Variants in KCTD16 observed in about 807,000 individuals in gnomAD.
KCTD16 encodes the protein BTB/POZ domain-containing protein KCTD16.
In KCTD16, 13 loss-of-function variants were observed where a neutral mutation model predicts 33.2. The ratio of observed to expected loss-of-function variants is 0.39; its 90% CI spans 0.25 to 0.62. The LOEUF is 0.62. Ranked by LOEUF, KCTD16 falls within the 20% of genes least tolerant of loss-of-function variation. KCTD16 has a pLI of 0.50. For synonymous variants in KCTD16, 197 were observed against 195.3 expected (o/e 1.01, Z -0.07); for missense variants, 441 against 525.1 (o/e 0.84, Z 1.57).
In KCTD16 at chr5:144,244,400, G is replaced by C. The variant is rs1384060214; in HGVS notation, c.832+36854G>C. ...ACAAAGTGCTAAATTGCATTGTATA[G>C]ATAAATAGAGATAGGAAAGTCTATT... On this transcript the variant is annotated intron_variant, in intron 3 of 3. Coordinates refer to ENST00000512467, the MANE Select transcript of KCTD16 (RefSeq NM_020768.4). Among the ~76,000 whole-genome samples the C allele has an allele frequency of 5.9e-5, 9 of 152,296 alleles. No individual in the cohort carries two copies. The South Asian group carries it at 1.2e-3, about 21-fold the overall frequency.
At chr5:144,193,418 T>G (rs1255406777) in intron 2 of KCTD16, among the ~76,000 whole-genome samples, 1 of 152,078 alleles carries the variant, frequency 6.6e-6, no homozygotes, top group Non-Finnish European at 1.5e-5. Context: ...GCTGTTTCCA[T>G]TCCACCTGCC....
chr5:144,415,871 A>T (rs1259226897), intron 3 of KCTD16, among the ~76,000 whole-genome samples: 4 of 152,196 alleles, frequency 2.6e-5, no homozygotes, highest in Admixed American at 2.0e-4. Flanking sequence ...TTAAATAAGC[A>T]TCTTAGTTAT....
intron 3 of KCTD16, among the ~76,000 whole-genome samples, chr5:144,371,615 G>T (rs1751968598): frequency 6.6e-6 from 1 of 152,116 alleles, no homozygotes; most frequent in Non-Finnish European, 1.5e-5. Context: ...AAGTAGAAAT[G>T]ATTAATGAAT....
intron 3 of KCTD16, among the ~76,000 whole-genome samples, chr5:144,411,417 A>G (rs916385414): frequency 6.6e-6 from 1 of 152,232 alleles, no homozygotes; most frequent in African/African-American, 2.4e-5. Flanking sequence ...AAAGGTGTCA[A>G]GAACATATGA....
chr5:144,292,258 G>T (rs1755914534), intron 3 of KCTD16, among the ~76,000 whole-genome samples: 1 of 152,200 alleles, frequency 6.6e-6, no homozygotes, highest in Admixed American at 6.6e-5. Context: ...GGGACATGGT[G>T]AGAATGTCCT....
intron 3 of KCTD16, among the ~76,000 whole-genome samples, chr5:144,215,745 C>A (rs1753545027): frequency 6.6e-6 from 1 of 152,192 alleles, no homozygotes. Flanking sequence ...ATATGAGGAC[C>A]TCTGGGAATA....
At chr5:144,183,190 G>A (rs1011485078) in intron 2 of KCTD16, among the ~76,000 whole-genome samples, 7 of 152,148 alleles carry the variant, frequency 4.6e-5, no homozygotes, top group African/African-American at 1.7e-4. Flanking sequence ...TGTTTCTGTG[G>A]ATATGGTTTT....
chr5:144,314,015 A>G (rs1473444177), intron 3 of KCTD16, among the ~76,000 whole-genome samples: 1 of 152,174 alleles, frequency 6.6e-6, no homozygotes, highest in Non-Finnish European at 1.5e-5. Flanking sequence ...AAGACCATAC[A>G]GTGGTAACTA....
rs1754543834 is a variant in KCTD16, at chr5:144,474,123, TG to T, written c.*14del. 2 of 1,466,088 alleles carry T rather than the reference TG, an allele frequency of 1.4e-6. No homozygotes were observed. The highest frequency in any genetic ancestry group is 4.6e-5 in the East Asian group (2 of 43,744). The allele number at this position is 1,466,088 out of a possible 1,614,324, so 90.8% of individuals were successfully genotyped here. ...GGAAGTATCATCTATAAGGGAGGGCTGGGGGCGGGAAAAGAAAAAAAAAAGT... is the reference window on the plus strand; with the variant it reads ...GGAAGTATCATCTATAAGGGAGGGCTGGGGCGGGAAAAGAAAAAAAAAAGT... On this transcript the variant is annotated 3_prime_UTR_variant, in exon 4 of 4. Transcript: ENST00000512467.
chr5:144,264,342 G>A (rs967354701), intron 3 of KCTD16, among the ~76,000 whole-genome samples: 5 of 152,022 alleles, frequency 3.3e-5, no homozygotes, highest in Admixed American at 3.3e-4. Flanking sequence ...TGAATTTCAC[G>A]TTTTTCATTT....
At chr5:144,354,530 T>C (rs1751528668) in intron 3 of KCTD16, among the ~76,000 whole-genome samples, 1 of 152,230 alleles carries the variant, frequency 6.6e-6, no homozygotes, top group Non-Finnish European at 1.5e-5. Context: ...TTAGAGCCTC[T>C]AAACTCTGCA....
intron 3 of KCTD16, among the ~76,000 whole-genome samples, chr5:144,415,986 C>T (rs971329457): frequency 1.5e-4 from 23 of 152,132 alleles, no homozygotes; most frequent in Admixed American, 6.6e-5. Context: ...CACAGATAAT[C>T]TTACAGTGTA....
At chr5:144,248,882 A>G (rs976499774) in intron 3 of KCTD16, among the ~76,000 whole-genome samples, 8 of 152,162 alleles carry the variant, frequency 5.3e-5, no homozygotes, top group African/African-American at 1.9e-4. Context: ...TCCACCATGG[A>G]AGAATCTTTC....
chr5:144,327,144 T>G (rs1752229675), intron 3 of KCTD16, among the ~76,000 whole-genome samples: 1 of 152,186 alleles, frequency 6.6e-6, no homozygotes, highest in Non-Finnish European at 1.5e-5. Flanking sequence ...TATGACAGTA[T>G]TTCCTCAGAC....
At chr5:144,444,099 A>G (rs758518430) in intron 3 of KCTD16, among the ~76,000 whole-genome samples, 8 of 152,086 alleles carry the variant, frequency 5.3e-5, no homozygotes, top group Non-Finnish European at 1.0e-4. Flanking sequence ...TTTCAAAACA[A>G]CAATATTCGT....
At chr5:144,353,678 A>G (rs1307042720) in intron 3 of KCTD16, among the ~76,000 whole-genome samples, 1 of 152,128 alleles carries the variant, frequency 6.6e-6, no homozygotes, top group East Asian at 1.9e-4. Flanking sequence ...TACTTCCAAC[A>G]TTTCTTGTTA....
intron 2 of KCTD16, among the ~76,000 whole-genome samples, chr5:144,195,343 A>G (rs1752921084): frequency 6.6e-6 from 1 of 152,242 alleles, no homozygotes; most frequent in Non-Finnish European, 1.5e-5. Context: ...CTACCAGGCA[A>G]CAAATGTCTG....
intron 3 of KCTD16, among the ~76,000 whole-genome samples, chr5:144,300,011 C>T (rs1048444305): frequency 2.0e-5 from 3 of 151,834 alleles, no homozygotes; most frequent in Non-Finnish European, 2.9e-5. Flanking sequence ...TCTTAGAAAT[C>T]GATACAGATT....
At chr5:144,230,558 A>C (rs1754072350) in intron 3 of KCTD16, among the ~76,000 whole-genome samples, 1 of 152,218 alleles carries the variant, frequency 6.6e-6, no homozygotes, top group Non-Finnish European at 1.5e-5. Flanking sequence ...CTATATTTCA[A>C]AGATACTGTC....
Sources: gnomAD v4.1 joint callset for allele counts (sites outside exome capture counted in the v4.1 genomes callset) on GRCh38, gnomAD v4.1.1 for gene constraint, MANE v1.5 for transcripts, NCBI Gene and HGNC (gene_info 2026-07-23, HGNC 2026-07-21) for gene names.